Variants in CASK observed in about 807,000 individuals in gnomAD.
CASK encodes calcium/calmodulin dependent serine protein kinase, also known as peripheral plasma membrane protein CASK.
In CASK, 4 loss-of-function variants were observed where a neutral mutation model predicts 82.9. The observed-to-expected ratio is 0.05, with a 90% CI of 0.02 to 0.11. The LOEUF is 0.11. CASK is among the 10% of genes least tolerant of loss of function. The pLI is 1.00. For synonymous variants in CASK, 259 were observed against 253.5 expected (o/e 1.02, Z -0.20); for missense variants, 358 against 720.9 (o/e 0.50, Z 5.76).
At chrX:41,692,670 T>A (rs2067593711) in intron 5 of CASK, among the ~76,000 whole-genome samples, 1 of 111,961 alleles carries the variant, frequency 8.9e-6, no homozygotes, top group Non-Finnish European at 1.9e-5. Context: ...ATGATTTGAG[T>A]TCTTCTCTCC....
At chrX:41,844,049 A>C (rs1264672043) in intron 2 of CASK, among the ~76,000 whole-genome samples, 1 of 111,908 alleles carries the variant, frequency 8.9e-6, no homozygotes, top group Non-Finnish European at 1.9e-5. Flanking sequence ...GTCTAGGAGT[A>C]AAATGGCTGG....
intron 5 of CASK, among the ~76,000 whole-genome samples, chrX:41,678,051 CATT>C (rs1470667143): frequency 8.9e-6 from 1 of 112,186 alleles, no homozygotes; most frequent in Non-Finnish European, 1.9e-5. Flanking sequence ...ACCATAATAT[CATT>C]ATTAAGTCCA....
At chrX:41,565,419 A>AT (rs2065296702) in intron 16 of CASK, among the ~76,000 whole-genome samples, 2 of 112,143 alleles carry the variant, frequency 1.8e-5, no homozygotes, top group Non-Finnish European at 3.8e-5. Context: ...CACCGATCCC[A>AT]CAGAAATACA....
intron 2 of CASK, among the ~76,000 whole-genome samples, chrX:41,788,017 C>A (rs1315334512): frequency 9.2e-6 from 1 of 109,172 alleles, no homozygotes; most frequent in Admixed American, 9.9e-5. Flanking sequence ...ATTAGCCGGG[C>A]ATGGTGGCGG....
At chrX:41,798,231 C>A (rs1329455553) in intron 2 of CASK, among the ~76,000 whole-genome samples, 1 of 112,116 alleles carries the variant, frequency 8.9e-6, no homozygotes, top group African/African-American at 3.2e-5. Context: ...AAGAGCCTAT[C>A]TAATTTTCTT....
intron 5 of CASK, among the ~76,000 whole-genome samples, chrX:41,694,754 G>A (rs1353417553): frequency 1.8e-5 from 2 of 111,732 alleles, no homozygotes; most frequent in Non-Finnish European, 3.8e-5. Context: ...CCTTGCAGGT[G>A]CTGTATTCTC....
intron 3 of CASK, chrX:41,748,086 G>A (rs1197644094): frequency 8.9e-6 from 1 of 111,910 alleles, no homozygotes; most frequent in Non-Finnish European, 1.9e-5. Context: ...TTGTAATTGT[G>A]ATATATGAGG....
rs944188425 is a variant in CASK at position 41,727,254 on chromosome X, G to T, written c.429+12130C>A. The T allele has an allele frequency of 6.6e-6, 8 of 1,207,254 alleles. No homozygotes were observed. The African/African-American group carries it at 1.4e-4, about 21-fold the overall frequency. On this transcript the variant is annotated intron_variant, in intron 5 of 26. Transcript: ENST00000378163. ...TGCCTTTCATGAGTATCTATTTCCT[G>T]AAAGGTTTCCAATGGGAATATCAAT...
intron 15 of CASK, among the ~76,000 whole-genome samples, chrX:41,577,577 T>C (rs1334541281): frequency 2.7e-5 from 3 of 112,098 alleles, no homozygotes. Context: ...CACCTTGCTG[T>C]CTGCAGTTCA....
intron 3 of CASK, among the ~76,000 whole-genome samples, chrX:41,749,930 T>C (rs2068759356): frequency 9.0e-6 from 1 of 111,515 alleles, no homozygotes; most frequent in Admixed American, 9.6e-5. Context: ...TTAGGCTTTT[T>C]CCCTGTACAT....
intron 8 of CASK, among the ~76,000 whole-genome samples, chrX:41,659,934 G>A (rs2067005202): frequency 9.2e-6 from 1 of 108,119 alleles, no homozygotes. Context: ...CAGGAGCAGA[G>A]GTTGCAGTGA....
At chrX:41,654,971 T>A (rs1226557148) in intron 8 of CASK, among the ~76,000 whole-genome samples, 1 of 109,033 alleles carries the variant, frequency 9.2e-6, no homozygotes, top group Non-Finnish European at 1.9e-5. Context: ...CAACCTGCTG[T>A]TGGGGACTCA....
intron 1 of CASK, among the ~76,000 whole-genome samples, chrX:41,884,752 G>A (rs2072017910): frequency 9.0e-6 from 1 of 111,427 alleles, no homozygotes; most frequent in African/African-American, 3.3e-5. Flanking sequence ...CTTCCAGCCT[G>A]CCTGGAACGC....
intron 1 of CASK, among the ~76,000 whole-genome samples, chrX:41,860,939 A>G (rs888105599): frequency 8.0e-5 from 9 of 112,287 alleles, no homozygotes; most frequent in Admixed American, 3.8e-4. Flanking sequence ...ACAGCTAGCA[A>G]TGAATCTCCA....
rs761248551 is a variant in CASK at position 41,891,833 on chromosome X, A to C, written c.59+31097T>G. Reference sequence around the variant, plus strand: ...AAAATGGGGGAAAAACAAATGGCCAATTTATAGAAAGAATTTTTTTTAAAA... The same window carrying C: ...AAAATGGGGGAAAAACAAATGGCCACTTTATAGAAAGAATTTTTTTTAAAA... On this transcript the variant is annotated intron_variant, in intron 1 of 26. Coordinates refer to ENST00000378163, the MANE Select transcript of CASK (RefSeq NM_001367721.1). Among the ~76,000 whole-genome samples, 4 of 112,573 alleles carry C rather than the reference A, an allele frequency of 3.6e-5. No homozygotes were observed. In the South Asian group the frequency reaches 1.5e-3, roughly 41 times the overall value.
At position 41,581,361 on chromosome X, in the gene CASK, T is replaced by TA. The variant is rs2065576020; in HGVS notation, c.1315-2834dup. Reference sequence around the variant, plus strand: ...TGTCACTGCACTCCTATCTAGGCAATAGAGCAAGACCCCGTCTCTTAAAAA... The same window carrying TA: ...TGTCACTGCACTCCTATCTAGGCAATAAGAGCAAGACCCCGTCTCTTAAAAA... On this transcript the variant is annotated intron_variant, in intron 14 of 26. Transcript: ENST00000378163. Among the ~76,000 whole-genome samples the TA allele has an allele frequency of 6.4e-5, 7 of 109,681 alleles. No homozygotes were observed. In the Middle Eastern group the frequency reaches 0.014, roughly 223 times the overall value.
Position 41,550,118 on chromosome X carries a change from G to A in CASK, c.2039+3601C>T, listed in dbSNP as rs771724078. ...AGAGGTTGCAGTGAGCTGAGATTGC[G>A]CCACTGCACTCCAGCCTGGGTGACA... On this transcript the variant is annotated intron_variant, in intron 21 of 26. Transcript: ENST00000378163. Among the ~76,000 whole-genome samples the A allele has an allele frequency of 2.5e-4, 27 of 110,043 alleles. No homozygotes were observed. The East Asian group carries it at 4.6e-3, about 19-fold the overall frequency.
At chrX:41,903,908 C>T (rs1468534792) in intron 1 of CASK, among the ~76,000 whole-genome samples, 1 of 111,791 alleles carries the variant, frequency 8.9e-6, no homozygotes, top group African/African-American at 3.2e-5. Context: ...TAAAATTCAC[C>T]CTTTTTAAGT....
At chrX:41,595,069 T>C in intron 12 of CASK, among the ~76,000 whole-genome samples, 1 of 111,893 alleles carries the variant, frequency 8.9e-6, no homozygotes, top group Non-Finnish European at 1.9e-5. Context: ...GTATTATATT[T>C]GGACTAGTAC....
Sources: allele counts gnomAD v4.1 joint callset (sites outside exome capture counted in the v4.1 genomes callset), GRCh38; gene constraint gnomAD v4.1.1; transcripts MANE v1.5; gene names NCBI Gene and HGNC (gene_info 2026-07-23, HGNC 2026-07-21).